The following SPTBN5 variants were observed in gnomAD, a reference collection of about 807,000 sequenced individuals.
SPTBN5 encodes spectrin beta chain, non-erythrocytic 5.
In SPTBN5, 513 loss-of-function variants were observed where a neutral mutation model predicts 477.6. That is an observed-to-expected ratio of 1.07 (90% CI 1.00 to 1.16). SPTBN5 has a LOEUF of 1.16. Among genes scored for constraint, SPTBN5 ranks in the 50% most tolerant of loss-of-function variants. The probability of loss-of-function intolerance (pLI) is 0.00; values close to 1 mark genes in which losing one functional copy is unlikely to be tolerated. For missense variants in SPTBN5, 5,062 were observed against 4,731.8 expected (o/e 1.07, Z -2.05); for synonymous variants, 2,169 against 2,011.7 (o/e 1.08, Z -2.09).
chr15:41,863,851 T>C (rs578235005), intron 40 of SPTBN5, 33 bp from the exon 41 acceptor site: 1 of 1,612,740 alleles, frequency 6.2e-7, no homozygotes, highest in Non-Finnish European at 8.5e-7. Flanking sequence ...ATGTGGAGCC[T>C]GAGGTGGCCT....
In SPTBN5 at chr15:41,855,604, T is replaced by G; in HGVS notation, c.9163A>C (p.Ile3055Leu). The change falls in exon 54 of 68, where the codon ATC becomes CTC. Residue 3055 changes from isoleucine to leucine, a missense_variant. By Grantham distance (5) the Ile-to-Leu change is conservative (BLOSUM62 2). Coordinates refer to ENST00000320955, the MANE Select transcript of SPTBN5 (RefSeq NM_016642.4). ...GCTGCTGTCTGCTGCAGCCGCTCGA[T>G]GCGTGGGCTGAACGCTTCCAGGTCT... is the stretch of plus-strand genomic sequence containing the variant. ...KRDLEAFSPR[I>L]ERLQQTAALL... The G allele has an allele frequency of 1.9e-6, 3 of 1,611,802 alleles. No individual in the cohort carries two copies. The highest frequency in any genetic ancestry group is 2.5e-6 in the Non-Finnish European group (3 of 1,179,786).
chr15:41,874,818 G>A, intron 23 of SPTBN5, 24 bp downstream of exon 23: 1 of 1,589,040 alleles, frequency 6.3e-7, no homozygotes, highest in Non-Finnish European at 8.6e-7. Context: ...GTGACACACA[G>A]GTGGGTGGGA....
At chr15:41,874,608 A>G in intron 23 of SPTBN5, 130 bp from the exon 24 acceptor site, 1 of 924,682 alleles carries the variant, frequency 1.1e-6, no homozygotes. Context: ...CATCTGACAA[A>G]GGGAGGCAGT....
intron 63 of SPTBN5, 104 bp downstream of exon 63, chr15:41,851,675 C>T: frequency 4.6e-6 from 4 of 869,680 alleles, no homozygotes; most frequent in Non-Finnish European, 7.4e-6. Context: ...TGGCATCTGC[C>T]CAAGTTCACA....
rs1567204909 is a variant in SPTBN5, at chr15:41,868,447, G to A, written c.6008C>T (p.Thr2003Ile). The A allele has an allele frequency of 1.9e-6, 3 of 1,609,734 alleles. No homozygotes were observed. Among genetic ancestry groups the A allele is most frequent in the Middle Eastern group, 1.7e-4 (1 of 6,010 alleles). Residue 2003 changes from threonine to isoleucine, a missense_variant, in exon 33 of 68, where the codon ACC (threonine) becomes ATC (isoleucine). By Grantham distance (89) the Thr-to-Ile change is moderately conservative (BLOSUM62 -1). Coordinates refer to ENST00000320955, the MANE Select transcript of SPTBN5 (RefSeq NM_016642.4). ...EAREKLWQQATQLGQQALLAA... is the reference protein window; with the variant it reads ...EAREKLWQQAIQLGQQALLAA... ...AAGAAGTGCCTGCTGCCCCAGCTGGGTGGCCTGCTGCCACAGCTTCTCCCG... is the reference window on the plus strand; with the variant it reads ...AAGAAGTGCCTGCTGCCCCAGCTGGATGGCCTGCTGCCACAGCTTCTCCCG...
intron 61 of SPTBN5, 119 bp downstream of exon 61, chr15:41,852,515 G>A: frequency 7.5e-7 from 1 of 1,334,224 alleles, no homozygotes; most frequent in Non-Finnish European, 1.1e-6. Flanking sequence ...GCTGGCCAGG[G>A]AAAGGAGCAG....
intron 63 of SPTBN5, 75 bp from the exon 64 acceptor site, chr15:41,851,444 A>G (rs1345443250): frequency 2.8e-6 from 3 of 1,079,048 alleles, no homozygotes; most frequent in East Asian, 2.6e-5. Flanking sequence ...ACGCCTCACC[A>G]TGTGTGTGGA....
chr15:41,852,449 G>C, intron 61 of SPTBN5, 133 bp from the exon 62 acceptor site: 1 of 1,379,648 alleles, frequency 7.2e-7, no homozygotes, highest in Non-Finnish European at 9.9e-7. Flanking sequence ...AGCTCTTTCA[G>C]CTTTGGCTCT....
intron 36 of SPTBN5, 93 bp downstream of exon 36, chr15:41,866,866 T>C (rs2066336357): frequency 2.8e-6 from 4 of 1,428,582 alleles, no homozygotes; most frequent in Admixed American, 2.5e-5. Context: ...CCCCCGAACC[T>C]GTTTCCGCCT....
At position 41,853,746 on chromosome 15, in the gene SPTBN5, C is replaced by A; in HGVS notation, c.9816G>T (p.Gln3272His). ...GCTGGCCCAGTCGGCAGGCCTCCGTCTGTAGCCGTGCCACCTCCTTCTCCA... is the reference window on the plus strand; with the variant it reads ...GCTGGCCCAGTCGGCAGGCCTCCGTATGTAGCCGTGCCACCTCCTTCTCCA... ...EAMEKEVARL[Q>H]TEACRLGQLH... is the part of the protein sequence containing the mutation. Residue 3272 changes from glutamine (Q) to histidine (H), a missense_variant, in exon 58 of 68, where the codon CAG (glutamine) becomes CAT (histidine). Physicochemically the swap from Gln to His is conservative, Grantham distance 24. Transcript: ENST00000320955. 6.3e-7 allele frequency: 1 copy of A among 1,581,462 alleles called. No individual in the cohort carries two copies. The highest frequency in any genetic ancestry group is 2.3e-5 in the East Asian group (1 of 43,404).
In SPTBN5 at chr15:41,880,237, GC is replaced by G; in HGVS notation, c.2733del (p.Trp911CysfsTer50). 6.2e-7 allele frequency: 1 copy of G among 1,606,560 alleles called. No homozygotes were observed. Among genetic ancestry groups the G allele is most frequent in the Non-Finnish European group, 8.5e-7 (1 of 1,176,982 alleles). ...TGGAGCAGCACTGTCTGCTTCTCCA[GC>G]CACAACTGGAGCTCCCCACAGGAAC... ...FCSSCGELQL[W>X]LEKQTVLLQR... is the part of the protein sequence containing the mutation. On this transcript the variant is annotated frameshift_variant, in exon 14 of 68. Transcript: ENST00000320955. LOFTEE classifies it high-confidence loss of function.
At chr15:41,849,666 T>C (rs1171579589) in intron 67 of SPTBN5, among the ~76,000 whole-genome samples, 4 of 152,142 alleles carry the variant, frequency 2.6e-5, no homozygotes, top group Non-Finnish European at 4.4e-5. Flanking sequence ...GGGACCACTG[T>C]AGAGTCTGTG....
rs2066870888 is a variant in SPTBN5, at chr15:41,879,444, C to T, written c.2998G>A (p.Val1000Met). 1 of 1,605,544 alleles carries T rather than the reference C, an allele frequency of 6.2e-7. No homozygotes were observed. Among genetic ancestry groups the T allele is most frequent in the Admixed American group, 1.7e-5 (1 of 59,146 alleles). Reference sequence around the variant, plus strand: ...TCCTGCAGAAAACTGCACACTTCCACACTGTGTGCCAGCTGCACGGCCTTC... The same window carrying T: ...TCCTGCAGAAAACTGCACACTTCCATACTGTGTGCCAGCTGCACGGCCTTC... Reference protein sequence around the residue: ...REKAVQLAHSVEVCSFLQECG... With the variant: ...REKAVQLAHSMEVCSFLQECG... The change falls in exon 16 of 68, where the codon GTG (valine) becomes ATG (methionine). Residue 1000 changes from valine (V) to methionine (M), a missense_variant. Val to Met is a conservative substitution (Grantham distance 21). Coordinates refer to ENST00000320955, the MANE Select transcript of SPTBN5 (RefSeq NM_016642.4).
chr15:41,866,774 C>T (rs1477727681), intron 36 of SPTBN5, among the ~76,000 whole-genome samples, 185 bp downstream of exon 36: 3 of 152,192 alleles, frequency 2.0e-5, no homozygotes, highest in Admixed American at 1.3e-4. Context: ...TGCTAGAGCT[C>T]GGGACACTGG....
rs371286100 is a variant in SPTBN5 at position 41,883,466 on chromosome 15, C to A, written c.1541G>T (p.Arg514Leu). 1.2e-6 allele frequency: 2 copies of A among 1,613,900 alleles called. No individual in the cohort carries two copies. The highest frequency in any genetic ancestry group is 1.7e-6 in the Non-Finnish European group (2 of 1,179,848). ...VARRQEEVTV[R>L]WQRLLQHLQG... ...TAGATGCTGAAGGAGCCTCTGCCAG[C>A]GCACGGTAACTTCCTCCTGCCTAGA... Residue 514 changes from arginine (R) to leucine (L), a missense_variant, in exon 8 of 68, where the codon CGC (arginine) becomes CTC (leucine). By Grantham distance (102) the Arg-to-Leu change is moderately radical. Transcript: ENST00000320955.
At chr15:41,865,973 G>T (rs2066293133) in intron 38 of SPTBN5, 65 bp downstream of exon 38, 4 of 1,545,546 alleles carry the variant, frequency 2.6e-6, no homozygotes, top group Non-Finnish European at 2.6e-6. Context: ...TGCTGCTGGG[G>T]ATCCCTCCTG....
At position 41,868,417 on chromosome 15, in the gene SPTBN5, G is replaced by A; in HGVS notation, c.6038C>T (p.Ala2013Val). 2 of 1,604,464 alleles carry A rather than the reference G, an allele frequency of 1.2e-6. No homozygotes were observed. ...GCCCACCTCCTTGGTGGGTGTCCCT[G>A]CAGCAAGAAGTGCCTGCTGCCCCAG... ...TQLGQQALLAAGTPTKEVQEE... is the reference protein window; with the variant it reads ...TQLGQQALLAVGTPTKEVQEE... The change falls in exon 33 of 68, where the codon GCA (alanine) becomes GTA (valine). Residue 2013 changes from alanine (A) to valine (V), a missense_variant. Physicochemically the swap from Ala to Val is moderately conservative, Grantham distance 64 (BLOSUM62 0). Coordinates refer to ENST00000320955, the MANE Select transcript of SPTBN5 (RefSeq NM_016642.4).
Position 41,849,890 on chromosome 15 carries a change from G to T in SPTBN5, c.10991C>A (p.Ala3664Asp). 1 of 1,586,056 alleles carries T rather than the reference G, an allele frequency of 6.3e-7. No homozygotes were observed. The highest frequency in any genetic ancestry group is 8.6e-7 in the Non-Finnish European group (1 of 1,165,982). ...SSLNECTTKD[A>D]RPGCLLRSDP ...CCACCTGAGTAGACATCCAGGCCGG[G>T]CATCCTTGGTCGTGCACTCATTCAG... Residue 3664 changes from alanine to aspartate, a missense_variant, in exon 67 of 68, where the codon GCC becomes GAC. Physicochemically the swap from Ala to Asp is moderately radical, Grantham distance 126. Transcript: ENST00000320955.
chr15:41,871,981 C>T, intron 27 of SPTBN5, 64 bp from the exon 28 acceptor site: 1 of 1,454,044 alleles, frequency 6.9e-7, no homozygotes, highest in East Asian at 2.5e-5. Context: ...CCAGTCGGGC[C>T]AGCCAGAGGG....
Sources: allele counts gnomAD v4.1 joint callset (sites outside exome capture counted in the v4.1 genomes callset), GRCh38; gene constraint gnomAD v4.1.1; transcripts MANE v1.5; gene names NCBI Gene and HGNC (gene_info 2026-07-23, HGNC 2026-07-21).